ZZZ3: variants seen among roughly 807,000 people sequenced by gnomAD.
ZZZ3 encodes the protein zinc finger ZZ-type containing 3.
A neutral mutation model predicts 95.2 loss-of-function variants in ZZZ3; 22 were observed. The ratio of observed to expected loss-of-function variants is 0.23; its 90% CI spans 0.17 to 0.33. The LOEUF is 0.33. ZZZ3 is among the 10% of genes least tolerant of loss of function. The probability of loss-of-function intolerance (pLI) is 1.00; values close to 1 mark genes in which losing one functional copy is unlikely to be tolerated. For synonymous variants in ZZZ3, 335 were observed against 358.9 expected (o/e 0.93, Z 0.75); for missense variants, 885 against 1,066.5 (o/e 0.83, Z 2.37).
intron 1 of ZZZ3, among the ~76,000 whole-genome samples, chr1:77,653,556 C>T (rs1669997062): frequency 1.3e-5 from 2 of 151,652 alleles, no homozygotes; most frequent in Admixed American, 1.3e-4. Context: ...GAGTTCAAGA[C>T]CAGCCTGACC....
rs138638060 is a variant in ZZZ3, at chr1:77,566,021, A to T, written c.2567+60T>A. The T allele has an allele frequency of 2.5e-3, 3,328 of 1,344,876 alleles. 33 individuals carry two copies. Among genetic ancestry groups the T allele is most frequent in the Non-Finnish European group, 2.5e-3 (2,376 of 967,520 alleles). 83.3% of individuals were successfully genotyped at this position (1,344,876 alleles called of 1,614,324 possible). ...TCTATGTTTGGAAATCAAATTCACT[A>T]ATGGCTGAGAAGCTCTTTTCTTGTC... On this transcript the variant is annotated intron_variant, in intron 14 of 14. Transcript: ENST00000370801.
intron 12 of ZZZ3, among the ~76,000 whole-genome samples, chr1:77,573,066 T>G (rs1661568384): frequency 6.6e-6 from 1 of 152,128 alleles, no homozygotes; most frequent in Non-Finnish European, 1.5e-5. Flanking sequence ...TCAATCTAAA[T>G]TAAGTACCTC....
intron 1 of ZZZ3, among the ~76,000 whole-genome samples, chr1:77,662,585 C>T (rs1376550219): frequency 4.6e-5 from 7 of 152,052 alleles, no homozygotes; most frequent in Non-Finnish European, 1.0e-4. Flanking sequence ...GAAATTCAAA[C>T]TGAGGGACAC....
At chr1:77,649,113 C>T (rs1451441577) in intron 1 of ZZZ3, among the ~76,000 whole-genome samples, 1 of 151,842 alleles carries the variant, frequency 6.6e-6, no homozygotes, top group African/African-American at 2.4e-5. Flanking sequence ...GGTGACAGAG[C>T]GAGACTCCAT....
rs1666307504 is a variant in ZZZ3, at chr1:77,616,301, T to C, written c.1505+15549A>G. ...TTAGGAACACCTGCCACATTTAAAATGTCAGTGCAGTTTTAAAAGATGACA... is the reference window on the plus strand; with the variant it reads ...TTAGGAACACCTGCCACATTTAAAACGTCAGTGCAGTTTTAAAAGATGACA... On this transcript the variant is annotated intron_variant, in intron 5 of 14. Transcript: ENST00000370801. Among the ~76,000 whole-genome samples, 6 of 152,338 alleles carry C rather than the reference T, an allele frequency of 3.9e-5. No individual in the cohort carries two copies. The South Asian group carries it at 1.0e-3, about 26-fold the overall frequency.
chr1:77,658,017 A>G (rs1670429872), intron 1 of ZZZ3, among the ~76,000 whole-genome samples: 1 of 152,056 alleles, frequency 6.6e-6, no homozygotes, highest in Non-Finnish European at 1.5e-5. Flanking sequence ...TGTCTCTACT[A>G]AAAATACAAA....
chr1:77,586,307 T>C (rs1187595608), intron 5 of ZZZ3, among the ~76,000 whole-genome samples: 2 of 152,206 alleles, frequency 1.3e-5, no homozygotes, highest in African/African-American at 4.8e-5. Context: ...ATTGCCTCTA[T>C]CCCTGTTTTA....
chr1:77,599,066 T>C (rs1664486296), intron 5 of ZZZ3, among the ~76,000 whole-genome samples: 1 of 152,090 alleles, frequency 6.6e-6, no homozygotes, highest in South Asian at 2.1e-4. Context: ...TGGTAGTCCT[T>C]TTATAGAATC....
intron 12 of ZZZ3, 31 bp from the exon 13 acceptor site, chr1:77,568,497 G>A: frequency 1.9e-6 from 2 of 1,067,318 alleles, no homozygotes; most frequent in East Asian, 2.7e-5. Flanking sequence ...AAAAAATGTT[G>A]GTTTGGTAAT....
intron 1 of ZZZ3, among the ~76,000 whole-genome samples, chr1:77,675,982 G>A (rs1168592284): frequency 6.6e-6 from 1 of 152,186 alleles, no homozygotes; most frequent in African/African-American, 2.4e-5. Flanking sequence ...TCTGTAACCT[G>A]AGTCCTACAG....
In ZZZ3 at chr1:77,633,255, C is replaced by T; in HGVS notation, c.100G>A (p.Ala34Thr). 1.9e-6 allele frequency: 3 copies of T among 1,614,072 alleles called. No homozygotes were observed. The highest frequency in any genetic ancestry group is 1.1e-5 in the South Asian group (1 of 91,072). Residue 34 changes from alanine to threonine, a missense_variant, in exon 5 of 15, where the codon GCG (alanine) becomes ACG (threonine). Around this residue, in one of 5 missense-constraint regions of ZZZ3, gnomAD observed 556 missense variants for 652.9 expected, o/e 0.85. Transcript: ENST00000370801. ...TTAGAAGAGATTTCTTCAGGATGCG[C>T]AATGCTACGATTCCTTAAAGTTCTA... The part of the protein sequence containing the change: ...CGRTLRNRSI[A>T]HPEEISSNSQ...
chr1:77,646,222 TG>T (rs1299610631), intron 1 of ZZZ3, among the ~76,000 whole-genome samples: 1 of 152,026 alleles, frequency 6.6e-6, no homozygotes, highest in African/African-American at 2.4e-5. Context: ...TTTTGTTTTT[TG>T]TTTTTTTTTC....
At chr1:77,653,893 A>G (rs1483118065) in intron 1 of ZZZ3, among the ~76,000 whole-genome samples, 3 of 152,114 alleles carry the variant, frequency 2.0e-5, no homozygotes, top group Admixed American at 6.5e-5. Flanking sequence ...ATATCCTTAA[A>G]GAAAGTGAAG....
chr1:77,591,576 T>G (rs1005318942), intron 5 of ZZZ3, among the ~76,000 whole-genome samples: 2 of 152,182 alleles, frequency 1.3e-5, no homozygotes, highest in African/African-American at 4.8e-5. Flanking sequence ...ACTCCTGGCC[T>G]CAAGGGATCC....
intron 12 of ZZZ3, among the ~76,000 whole-genome samples, chr1:77,575,040 C>T (rs929584392): frequency 2.0e-5 from 3 of 152,040 alleles, no homozygotes; most frequent in Non-Finnish European, 4.4e-5. Flanking sequence ...AAAAACTAGC[C>T]GGGCATGGTG....
In ZZZ3 at chr1:77,572,630, G is replaced by A. The variant is rs376114181; in HGVS notation, c.2331+3438C>T. On this transcript the variant is annotated intron_variant, in intron 12 of 14. Coordinates refer to ENST00000370801, the MANE Select transcript of ZZZ3 (RefSeq NM_015534.6). ...TGGGATTACAGGTGTGAGACACTGC[G>A]CCCGGCCTTTTTGTTTGTTTTTTTA... 1.1e-4 allele frequency among the ~76,000 whole-genome samples: 17 copies of A among 151,754 alleles called. No individual in the cohort carries two copies. The East Asian group carries it at 1.4e-3, about 12-fold the overall frequency.
Position 77,578,778 on chromosome 1 carries a change from T to A in ZZZ3, c.2174A>T (p.Lys725Ile). 1 of 1,518,504 alleles carries A rather than the reference T, an allele frequency of 6.6e-7. No individual in the cohort carries two copies. The highest frequency in any genetic ancestry group is 8.8e-7 in the Non-Finnish European group (1 of 1,137,796). The allele number at this position is 1,518,504 out of a possible 1,614,324, so 94.1% of individuals were successfully genotyped here. ...CTTTCATGTATTTTCTTTTACCTTT[T>A]TGGAGTATATATATAAGTTTGGTGT... ...GRTPNLYIYS[K>I]KSSTSRRQHP... The change falls in exon 11 of 15, where the codon AAA (lysine) becomes ATA (isoleucine). Residue 725 changes from lysine (K) to isoleucine (I), a missense_variant. By Grantham distance (102) the Lys-to-Ile change is moderately radical. Coordinates refer to ENST00000370801, the MANE Select transcript of ZZZ3 (RefSeq NM_015534.6).
At position 77,578,832 on chromosome 1, in the gene ZZZ3, G is replaced by A; in HGVS notation, c.2120C>T (p.Thr707Ile). 6.3e-7 allele frequency: 1 copy of A among 1,578,096 alleles called. No homozygotes were observed. The highest frequency in any genetic ancestry group is 8.6e-7 in the Non-Finnish European group (1 of 1,164,982). Residue 707 changes from threonine (T) to isoleucine (I), a missense_variant, in exon 11 of 15, where the codon ACT (threonine) becomes ATT (isoleucine). Physicochemically the swap from Thr to Ile is moderately conservative, Grantham distance 89. Around this residue, in one of 5 missense-constraint regions of ZZZ3, gnomAD observed 221 missense variants for 247.8 expected, o/e 0.89. Transcript: ENST00000370801. ...GCCTGGTACTGGAATGCCAGCTTTAGTTAGCTTTATGAAATACTTCTGTAC... is the reference window on the plus strand; with the variant it reads ...GCCTGGTACTGGAATGCCAGCTTTAATTAGCTTTATGAAATACTTCTGTAC... The part of the protein sequence containing the change: ...SRVQKYFIKL[T>I]KAGIPVPGRT...
intron 5 of ZZZ3, among the ~76,000 whole-genome samples, chr1:77,622,370 C>CAA (rs200681261): frequency 3.1e-3 from 174 of 55,398 alleles, no homozygotes; most frequent in African/African-American, 4.1e-3. Context: ...TGAAAAATAG[C>CAA]AAAAAAAAAA....
Sources: allele counts gnomAD v4.1 joint callset (sites outside exome capture counted in the v4.1 genomes callset), GRCh38; gene constraint gnomAD v4.1.1; regional missense constraint gnomAD v4.1.1; transcripts MANE v1.5; gene names NCBI Gene and HGNC (gene_info 2026-07-23, HGNC 2026-07-21).